The following DPP10 variants were observed in gnomAD, a reference collection of about 807,000 sequenced individuals.
DPP10 encodes dipeptidyl peptidase like 10, also known as inactive dipeptidyl peptidase 10.
DPP10 carries 33 observed loss-of-function variants against 120.9 expected under a neutral mutation model. The ratio of observed to expected loss-of-function variants is 0.27; its 90% CI spans 0.21 to 0.37. The LOEUF is 0.37. Among genes scored for constraint, DPP10 ranks in the 10% least tolerant of loss-of-function variants. The probability of loss-of-function intolerance (pLI) is 1.00; values close to 1 mark genes in which losing one functional copy is unlikely to be tolerated. For missense variants in DPP10, 816 were observed against 942.8 expected, an observed-to-expected ratio of 0.87 and a Z score of 1.76; for synonymous variants, 337 against 326.1, an observed-to-expected ratio of 1.03 and a Z score of -0.36.
chr2:114,904,532 T>C (rs560601228), intron 1 of DPP10, among the ~76,000 whole-genome samples: 9 of 152,244 alleles, frequency 5.9e-5, no homozygotes, highest in African/African-American at 1.9e-4. Flanking sequence ...AAAAAGGAAC[T>C]GGAACTTGAA....
intron 1 of DPP10, among the ~76,000 whole-genome samples, chr2:114,715,774 G>T (rs889856959): frequency 2.6e-5 from 4 of 151,802 alleles, no homozygotes; most frequent in African/African-American, 9.7e-5. Flanking sequence ...CACACAAAAA[G>T]ATATGGCTGG....
chr2:114,462,764 G>A (rs1004619589), intron 1 of DPP10, among the ~76,000 whole-genome samples: 1 of 152,284 alleles, frequency 6.6e-6, no homozygotes, highest in South Asian at 2.1e-4. Context: ...CCCTTACGTG[G>A]TGGGGAATTA....
chr2:115,724,102 A>G (rs574491179), intron 7 of DPP10, among the ~76,000 whole-genome samples: 3 of 152,176 alleles, frequency 2.0e-5, no homozygotes, highest in East Asian at 1.9e-4. Flanking sequence ...GAGTGCTGCT[A>G]TTGTAGGTTT....
chr2:114,885,472 A>G (rs1470851263), intron 1 of DPP10, among the ~76,000 whole-genome samples: 1 of 152,008 alleles, frequency 6.6e-6, no homozygotes, highest in East Asian at 1.9e-4. Context: ...AAACTATATC[A>G]CCCTTCATGC....
chr2:114,897,468 A>C (rs1188590437), intron 1 of DPP10, among the ~76,000 whole-genome samples: 2 of 152,226 alleles, frequency 1.3e-5, no homozygotes, highest in Non-Finnish European at 2.9e-5. Flanking sequence ...CACCAAAAGC[A>C]ATGGCAACAA....
intron 3 of DPP10, among the ~76,000 whole-genome samples, chr2:115,464,912 A>G (rs562753674): frequency 7.2e-5 from 11 of 152,226 alleles, no homozygotes; most frequent in Non-Finnish European, 5.9e-5. Context: ...TCTCAAGTCT[A>G]AAAGGCTCCT....
chr2:114,907,445 T>G (rs1694059440), intron 1 of DPP10, among the ~76,000 whole-genome samples: 2 of 152,182 alleles, frequency 1.3e-5, no homozygotes, highest in South Asian at 2.1e-4. Flanking sequence ...AGCTATATAT[T>G]TATCTTAAAG....
chr2:115,219,104 G>C (rs985583336), intron 1 of DPP10, among the ~76,000 whole-genome samples: 2 of 152,076 alleles, frequency 1.3e-5, no homozygotes, highest in Non-Finnish European at 2.9e-5. Flanking sequence ...CAGAGGCACA[G>C]AAAGTTCAGA....
chr2:115,813,278 C>T (rs114819557), intron 19 of DPP10, among the ~76,000 whole-genome samples: 1,584 of 152,256 alleles, frequency 0.01, 15 homozygotes, highest in South Asian at 0.028. Flanking sequence ...TTTCTCACAG[C>T]GCTGAAGGCT....
intron 7 of DPP10, among the ~76,000 whole-genome samples, chr2:115,704,903 AGGTTT>A (rs1304233337): frequency 1.3e-5 from 2 of 151,922 alleles, no homozygotes; most frequent in Non-Finnish European, 2.9e-5. Flanking sequence ...GTATTTCTAA[AGGTTT>A]CTTTTTCTTT....
chr2:115,372,421 A>G (rs189340463), intron 3 of DPP10, among the ~76,000 whole-genome samples: 1 of 152,210 alleles, frequency 6.6e-6, no homozygotes, highest in Non-Finnish European at 1.5e-5. Context: ...AAGTCTCTGC[A>G]GGTTTCATAG....
chr2:115,750,340 A>G (rs571458003), intron 10 of DPP10: 109 of 443,256 alleles, frequency 2.5e-4, no homozygotes, highest in Non-Finnish European at 3.1e-4. Context: ...GAGTTAATAG[A>G]TATATCTTTC....
chr2:115,206,718 G>A (rs1334109990), intron 1 of DPP10, among the ~76,000 whole-genome samples: 2 of 152,016 alleles, frequency 1.3e-5, no homozygotes, highest in Non-Finnish European at 2.9e-5. Flanking sequence ...CATTTAGCTT[G>A]GTTTACTCCT....
At chr2:114,601,263 A>G (rs1692342841) in intron 1 of DPP10, among the ~76,000 whole-genome samples, 1 of 151,874 alleles carries the variant, frequency 6.6e-6, no homozygotes, top group South Asian at 2.1e-4. Flanking sequence ...TTAATTTTAC[A>G]ATTGTGTAGG....
chr2:115,616,457 G>A (rs2084506612), intron 5 of DPP10, among the ~76,000 whole-genome samples: 1 of 150,716 alleles, frequency 6.6e-6, no homozygotes, highest in South Asian at 2.1e-4. Context: ...TCAGAATCTA[G>A]ACATGCAGAT....
At chr2:115,771,311 T>G (rs1022383061) in intron 13 of DPP10, among the ~76,000 whole-genome samples, 1 of 152,012 alleles carries the variant, frequency 6.6e-6, no homozygotes, top group African/African-American at 2.4e-5. Flanking sequence ...TGACATCAGG[T>G]GATCCACCTG....
intron 1 of DPP10, among the ~76,000 whole-genome samples, chr2:114,496,997 C>CATAT (rs138864175): frequency 0.012 from 1,769 of 150,062 alleles, 40 homozygotes; most frequent in African/African-American, 0.039. Flanking sequence ...CATACACAGA[C>CATAT]ATATATATAT....
chr2:115,417,936 A>G (rs2069577738), intron 3 of DPP10, among the ~76,000 whole-genome samples: 2 of 152,092 alleles, frequency 1.3e-5, no homozygotes, highest in Non-Finnish European at 2.9e-5. Context: ...TAGTTGTAGC[A>G]ATGGGCATTG....
At chr2:114,897,435 G>C (rs1048388822) in intron 1 of DPP10, among the ~76,000 whole-genome samples, 25 of 152,152 alleles carry the variant, frequency 1.6e-4, no homozygotes, top group Non-Finnish European at 3.4e-4. Context: ...ACATAGGCAT[G>C]GGCAAGGACT....
Sources: allele counts gnomAD v4.1 joint callset (sites outside exome capture counted in the v4.1 genomes callset), GRCh38; gene constraint gnomAD v4.1.1; transcripts MANE v1.5; gene names NCBI Gene and HGNC (gene_info 2026-07-23, HGNC 2026-07-21).